The following GPHN variants were observed in gnomAD, a reference collection of about 807,000 sequenced individuals.
The protein encoded by GPHN is gephyrin.
A neutral mutation model predicts 95.5 loss-of-function variants in GPHN; 17 were observed. That is an observed-to-expected ratio of 0.18 (90% CI 0.12 to 0.27). GPHN has a LOEUF of 0.27. GPHN is among the 10% of genes least tolerant of loss of function. The pLI, the probability that GPHN is intolerant of heterozygous loss-of-function variation, is 1.00. For synonymous variants in GPHN, 320 were observed against 322.5 expected (o/e 0.99, Z 0.08); for missense variants, 660 against 978.1 (o/e 0.67, Z 4.34).
the GPHN span, chr14:67,340,205 A>G: frequency 2.2e-6 from 1 of 456,446 alleles, no homozygotes; most frequent in Non-Finnish European, 4.0e-6. Flanking sequence ...AATCAAACCT[A>G]AACAGTTTCT....
intron 2 of GPHN, among the ~76,000 whole-genome samples, chr14:66,732,636 C>A (rs1250218482): frequency 6.6e-6 from 1 of 152,172 alleles, no homozygotes; most frequent in Non-Finnish European, 1.5e-5. Context: ...TCTGCCTCAG[C>A]CTCCCATGTA....
the GPHN span, among the ~76,000 whole-genome samples, chr14:67,419,325 G>T: frequency 6.6e-6 from 1 of 152,304 alleles, no homozygotes; most frequent in South Asian, 2.1e-4. Flanking sequence ...AGCCCCTGTA[G>T]TTACAGCTGC....
At chr14:66,801,580 A>C (rs962008751) in intron 3 of GPHN, among the ~76,000 whole-genome samples, 4,026 of 34,058 alleles carry the variant, frequency 0.12, no homozygotes, top group Middle Eastern at 0.16. Context: ...CCCTCTCCCC[A>C]CTCTCTCTCT....
the GPHN span, among the ~76,000 whole-genome samples, chr14:67,667,713 G>C: frequency 6.6e-6 from 1 of 152,288 alleles, no homozygotes; most frequent in African/African-American, 2.4e-5. Context: ...GGGAGGCCGA[G>C]GCGGGCGGAT....
the GPHN span, among the ~76,000 whole-genome samples, chr14:67,257,242 G>A: frequency 6.6e-6 from 1 of 152,132 alleles, no homozygotes; most frequent in East Asian, 1.9e-4. Context: ...AAACCATAGG[G>A]CAGAGGAAGC....
chr14:66,517,126 C>CAAAAAAAAAAAAAAA (rs1171024713), intron 1 of GPHN, among the ~76,000 whole-genome samples: 1 of 31,002 alleles, frequency 3.2e-5, no homozygotes, highest in Non-Finnish European at 7.4e-5. Context: ...GACTCCATCT[C>CAAAAAAAAAAAAAAA]AAAAAAAAAA....
intron 10 of GPHN, among the ~76,000 whole-genome samples, chr14:67,027,722 T>C (rs2073999164): frequency 6.6e-6 from 1 of 152,144 alleles, no homozygotes; most frequent in Admixed American, 6.5e-5. Flanking sequence ...TTTTTTAGTA[T>C]ATTTTAATGG....
At chr14:67,117,108 A>G (rs989503995) in intron 16 of GPHN, among the ~76,000 whole-genome samples, 2 of 152,246 alleles carry the variant, frequency 1.3e-5, no homozygotes, top group African/African-American at 2.4e-5. Context: ...AAATATGTAA[A>G]GAGTTACTGA....
At chr14:66,887,254 A>C (rs1945222028) in intron 5 of GPHN, among the ~76,000 whole-genome samples, 1 of 152,100 alleles carries the variant, frequency 6.6e-6, no homozygotes, top group African/African-American at 2.4e-5. Flanking sequence ...GGGGAGGAAA[A>C]ATTGAGAAAA....
intron 8 of GPHN, among the ~76,000 whole-genome samples, chr14:66,950,692 A>G (rs547953666): frequency 1.3e-5 from 2 of 152,264 alleles, no homozygotes; most frequent in East Asian, 3.9e-4. Flanking sequence ...CATTACTGAA[A>G]TGTTTTAATT....
intron 5 of GPHN, among the ~76,000 whole-genome samples, chr14:66,902,833 C>G (rs530991747): frequency 1.3e-5 from 2 of 151,970 alleles, no homozygotes; most frequent in Admixed American, 6.5e-5. Context: ...TTTGTTTTAT[C>G]CTTTTTGGTT....
chr14:67,199,005 AG>A, the GPHN span: 2 of 707,320 alleles, frequency 2.8e-6, no homozygotes, highest in South Asian at 3.0e-5. Context: ...AGGGGTGACA[AG>A]GGAGGACAAC....
intron 1 of GPHN, among the ~76,000 whole-genome samples, chr14:66,678,261 A>C (rs1167836253): frequency 7.0e-6 from 1 of 142,724 alleles, no homozygotes; most frequent in Non-Finnish European, 1.5e-5. Context: ...CATGTCATGT[A>C]GGTTTATTCA....
At chr14:67,502,868 A>G in the GPHN span, among the ~76,000 whole-genome samples, 1 of 152,206 alleles carries the variant, frequency 6.6e-6, no homozygotes, top group Non-Finnish European at 1.5e-5. Flanking sequence ...AACCTTGTAC[A>G]GGGTCCTGAA....
chr14:67,226,404 A>C, the GPHN span, among the ~76,000 whole-genome samples: 3 of 152,068 alleles, frequency 2.0e-5, no homozygotes, highest in African/African-American at 7.2e-5. Context: ...CTCTGTCACC[A>C]GGCTGGAGTG....
chr14:67,423,231 T>C, the GPHN span, among the ~76,000 whole-genome samples: 2 of 151,926 alleles, frequency 1.3e-5, no homozygotes, highest in African/African-American at 4.8e-5. Flanking sequence ...CAAAAAGGGG[T>C]TGGGGGAGGG....
intron 9 of GPHN, among the ~76,000 whole-genome samples, chr14:66,993,015 G>C (rs1223210426): frequency 6.6e-6 from 1 of 152,082 alleles, no homozygotes; most frequent in African/African-American, 2.4e-5. Flanking sequence ...GCTGTAACTG[G>C]TTAGTGTGTC....
intron 3 of GPHN, among the ~76,000 whole-genome samples, chr14:66,783,389 A>G (rs1416984951): frequency 6.6e-6 from 1 of 152,056 alleles, no homozygotes; most frequent in African/African-American, 2.4e-5. Context: ...GCAGAAGTTG[A>G]TCTATCACCA....
intron 12 of GPHN, among the ~76,000 whole-genome samples, chr14:67,094,866 C>T (rs2077288269): frequency 6.6e-6 from 1 of 152,124 alleles, no homozygotes; most frequent in African/African-American, 2.4e-5. Flanking sequence ...TGTTTAGATA[C>T]ACAAATACTT....
Sources: allele counts gnomAD v4.1 joint callset (sites outside exome capture counted in the v4.1 genomes callset), GRCh38; gene constraint gnomAD v4.1.1; transcripts MANE v1.5; gene names NCBI Gene and HGNC (gene_info 2026-07-23, HGNC 2026-07-21).